GABRG3: variants seen among roughly 807,000 people sequenced by gnomAD.
The protein encoded by GABRG3 is gamma-aminobutyric acid type A receptor subunit gamma3, also known as gamma-aminobutyric acid receptor subunit gamma-3.
A neutral mutation model predicts 48.8 loss-of-function variants in GABRG3; 25 were observed. That is an observed-to-expected ratio of 0.51 (90% confidence interval 0.37 to 0.72). The LOEUF is 0.72. Ranked by LOEUF, GABRG3 falls within the 30% of genes least tolerant of loss-of-function variation. GABRG3 has a pLI of 0.00. For missense variants in GABRG3, 394 were observed against 577.9 expected, an observed-to-expected ratio of 0.68 and a Z score of 3.26; for synonymous variants, 227 against 217.6, an observed-to-expected ratio of 1.04 and a Z score of -0.38.
At chr15:27,297,906 A>C (rs906368603) in intron 3 of GABRG3, among the ~76,000 whole-genome samples, 1 of 152,104 alleles carries the variant, frequency 6.6e-6, no homozygotes, top group Admixed American at 6.6e-5. Flanking sequence ...AATTGGAATA[A>C]ATTTAAAATA....
intron 3 of GABRG3, among the ~76,000 whole-genome samples, chr15:27,301,698 A>T (rs1283411498): frequency 6.7e-6 from 1 of 148,772 alleles, no homozygotes; most frequent in East Asian, 1.9e-4. Context: ...AAACAAAAAC[A>T]AACAAAGAAG....
intron 3 of GABRG3, among the ~76,000 whole-genome samples, chr15:27,196,900 T>A (rs952655502): frequency 6.6e-6 from 1 of 152,236 alleles, no homozygotes; most frequent in African/African-American, 2.4e-5. Context: ...CAGTAGGTGA[T>A]GTAGTTGCTG....
chr15:27,031,083 CACACAT>C (rs1027906580), intron 3 of GABRG3, among the ~76,000 whole-genome samples: 11 of 151,768 alleles, frequency 7.2e-5, no homozygotes, highest in Admixed American at 3.3e-4. Context: ...CACACACACA[CACACAT>C]ACAACACATA....
At chr15:27,365,233 C>A (rs1895151685) in intron 5 of GABRG3, 1 of 147,000 alleles carries the variant, frequency 6.8e-6, no homozygotes, top group Non-Finnish European at 1.5e-5. Context: ...ACTAAGCATT[C>A]TATAGACCTT....
chr15:27,389,250 A>C (rs1252167799), intron 5 of GABRG3, among the ~76,000 whole-genome samples: 1 of 152,218 alleles, frequency 6.6e-6, no homozygotes, highest in Non-Finnish European at 1.5e-5. Context: ...TTGCCATGTT[A>C]AACTATGAGA....
Position 26,974,922 on chromosome 15 carries a change from G to T in GABRG3, c.54-2080G>T, listed in dbSNP as rs1301959887. On this transcript the variant is annotated intron_variant, in intron 1 of 9. Coordinates refer to ENST00000615808, the MANE Select transcript of GABRG3 (RefSeq NM_033223.5). This position sits in a 1 kb window ranked among gnomAD's most constrained non-coding sequence, Gnocchi z 4.3. ...GGAGTCTCGCTCTGTTGCCCAGGCT[G>T]GAGTGCAGTGACACTATCTCGGCTC... Among the ~76,000 whole-genome samples, 2 of 150,384 alleles carry T rather than the reference G, an allele frequency of 1.3e-5. No homozygotes were observed. The highest frequency in any genetic ancestry group is 3.0e-5 in the Non-Finnish European group (2 of 67,712).
At chr15:27,449,242 C>A (rs1889036658) in intron 5 of GABRG3, among the ~76,000 whole-genome samples, 1 of 152,142 alleles carries the variant, frequency 6.6e-6, no homozygotes, top group Non-Finnish European at 1.5e-5. Flanking sequence ...GTTACAGCTC[C>A]CCACACTTCC....
intron 5 of GABRG3, among the ~76,000 whole-genome samples, chr15:27,360,522 T>G (rs1216700016): frequency 6.6e-6 from 1 of 152,146 alleles, no homozygotes; most frequent in African/African-American, 2.4e-5. Context: ...GAATCACCAG[T>G]GGAGAATAAT....
chr15:27,041,459 G>T (rs1051140611), intron 3 of GABRG3, among the ~76,000 whole-genome samples: 3 of 152,130 alleles, frequency 2.0e-5, no homozygotes, highest in African/African-American at 7.2e-5. Flanking sequence ...GGGATTACAG[G>T]TGTGAGCCAC....
chr15:27,138,628 A>G (rs1038123230), intron 3 of GABRG3, among the ~76,000 whole-genome samples: 11 of 152,200 alleles, frequency 7.2e-5, no homozygotes, highest in African/African-American at 2.4e-4. Flanking sequence ...TCATCTGGAC[A>G]CCTTTCTTCA....
intron 6 of GABRG3, among the ~76,000 whole-genome samples, chr15:27,502,544 C>G (rs983310264): frequency 1.3e-5 from 2 of 152,120 alleles, no homozygotes; most frequent in African/African-American, 4.8e-5. Context: ...TCCACCTATT[C>G]AATTCTAACA....
At chr15:27,123,913 G>A (rs1372381684) in intron 3 of GABRG3, among the ~76,000 whole-genome samples, 2 of 152,158 alleles carry the variant, frequency 1.3e-5, no homozygotes, top group African/African-American at 4.8e-5. Flanking sequence ...TGGCTTTTGG[G>A]CCTGTTCTGG....
rs116007824 is a variant in GABRG3 at position 27,232,984 on chromosome 15, T to C, written c.271-93825T>C. ...GCCAGGAAGCACAGCCAGAAGCCGG[T>C]AGGCTGCTGTGGGCATCAGTCCAGC... is the stretch of plus-strand genomic sequence containing the variant. On this transcript the variant is annotated intron_variant, in intron 3 of 9. Transcript: ENST00000615808. 2.5e-3 allele frequency among the ~76,000 whole-genome samples: 379 copies of C among 152,288 alleles called. 1 individual carries two copies. The highest frequency in any genetic ancestry group is 8.5e-3 in the African/African-American group (353 of 41,572).
chr15:27,380,124 T>A (rs968840336), intron 5 of GABRG3, among the ~76,000 whole-genome samples: 1 of 152,194 alleles, frequency 6.6e-6, no homozygotes, highest in Non-Finnish European at 1.5e-5. Flanking sequence ...TCTATTGACA[T>A]TTCTTCAAGC....
At chr15:27,112,641 T>C (rs1194770898) in intron 3 of GABRG3, among the ~76,000 whole-genome samples, 2 of 152,006 alleles carry the variant, frequency 1.3e-5, no homozygotes, top group East Asian at 3.9e-4. Flanking sequence ...GGTTTCACCA[T>C]GTTGGCCAGG....
chr15:27,178,797 T>C (rs1349033896), intron 3 of GABRG3, among the ~76,000 whole-genome samples: 6 of 152,204 alleles, frequency 3.9e-5, no homozygotes, highest in Non-Finnish European at 7.3e-5. Context: ...TCCTCTTTTC[T>C]GGGTATGAGG....
rs539120412 is a variant in GABRG3, at chr15:27,412,489, A to T, written c.575-68161A>T. Among the ~76,000 whole-genome samples the T allele has an allele frequency of 9.2e-5, 14 of 152,364 alleles. No homozygotes were observed. In the South Asian group the frequency reaches 2.9e-3, roughly 32 times the overall value. On this transcript the variant is annotated intron_variant, in intron 5 of 9. Coordinates refer to ENST00000615808, the MANE Select transcript of GABRG3 (RefSeq NM_033223.5). ...CAGTCAGCAGAATTATCTGATACTC[A>T]TTCAGATTGTTCTTTGACTCTGTCC... is the stretch of plus-strand genomic sequence containing the variant.
At chr15:27,209,560 G>A (rs1889002875) in intron 3 of GABRG3, among the ~76,000 whole-genome samples, 1 of 152,132 alleles carries the variant, frequency 6.6e-6, no homozygotes, top group African/African-American at 2.4e-5. Context: ...CTCAAGACAA[G>A]GAAAGGCCCC....
At chr15:27,271,273 C>T (rs1891077128) in intron 3 of GABRG3, among the ~76,000 whole-genome samples, 1 of 152,204 alleles carries the variant, frequency 6.6e-6, no homozygotes, top group South Asian at 2.1e-4. Context: ...CATCCTGACC[C>T]ATTCTCCAGC....
Sources: allele counts gnomAD v4.1 joint callset (sites outside exome capture counted in the v4.1 genomes callset), GRCh38; gene constraint gnomAD v4.1.1; non-coding constraint Gnocchi (gnomAD v3.1); transcripts MANE v1.5; gene names NCBI Gene and HGNC (gene_info 2026-07-23, HGNC 2026-07-21).